Variants in FAM135B observed in about 807,000 individuals in gnomAD.
The protein encoded by FAM135B is protein FAM135B.
In FAM135B, 43 loss-of-function variants were observed where a neutral mutation model predicts 127.7. That is an observed-to-expected ratio of 0.34 (90% CI 0.26 to 0.43). The LOEUF is 0.43. Among genes scored for constraint, FAM135B ranks in the 20% least tolerant of loss-of-function variants. The pLI is 1.00. For synonymous variants in FAM135B, 670 were observed against 665.1 expected, an observed-to-expected ratio of 1.01 and a Z score of -0.11; for missense variants, 1,558 against 1,725.6, an observed-to-expected ratio of 0.90 and a Z score of 1.72.
intron 12 of FAM135B, among the ~76,000 whole-genome samples, chr8:138,161,855 A>G (rs1586648906): frequency 6.6e-6 from 1 of 152,210 alleles, no homozygotes; most frequent in South Asian, 2.1e-4. Flanking sequence ...TCCTATTGCC[A>G]TACTATGATC....
At chr8:138,271,830 G>C (rs1305711885) in intron 3 of FAM135B, among the ~76,000 whole-genome samples, 1 of 152,062 alleles carries the variant, frequency 6.6e-6, no homozygotes, top group Non-Finnish European at 1.5e-5. Context: ...CTCAATTAAA[G>C]CTAGCCTGAG....
At chr8:138,355,444 T>C (rs1230668384) in intron 2 of FAM135B, among the ~76,000 whole-genome samples, 1 of 144,990 alleles carries the variant, frequency 6.9e-6, no homozygotes, top group Non-Finnish European at 1.5e-5. Context: ...CTGGAAACCA[T>C]TATTCTCAGC....
intron 6 of FAM135B, among the ~76,000 whole-genome samples, chr8:138,246,322 C>CT (rs1821282649): frequency 6.6e-6 from 1 of 152,168 alleles, no homozygotes; most frequent in African/African-American, 2.4e-5. Context: ...CCATCACAGG[C>CT]CCAGAGGCCC....
rs149581219 is a variant in FAM135B, at chr8:138,285,912, C to T, written c.158-20070G>A. 4.1e-3 allele frequency among the ~76,000 whole-genome samples: 629 copies of T among 152,262 alleles called. 7 individuals are homozygous for T. The highest frequency in any genetic ancestry group is 0.014 in the Middle Eastern group (4 of 294). On this transcript the variant is annotated intron_variant, in intron 3 of 19. Transcript: ENST00000395297. Reference sequence around the variant, plus strand: ...TCATTCATCTGCTTATCTTTGAATCCGCCTATCTGTCCATTGGCTCAAAAC... The same window carrying T: ...TCATTCATCTGCTTATCTTTGAATCTGCCTATCTGTCCATTGGCTCAAAAC...
At chr8:138,333,356 T>C (rs745902309) in intron 2 of FAM135B, among the ~76,000 whole-genome samples, 1 of 152,210 alleles carries the variant, frequency 6.6e-6, no homozygotes, top group Non-Finnish European at 1.5e-5. Flanking sequence ...TCCTACTCCC[T>C]AGGCATCTGC....
intron 1 of FAM135B, among the ~76,000 whole-genome samples, chr8:138,455,581 C>T (rs1370570262): frequency 2.6e-5 from 4 of 152,142 alleles, no homozygotes; most frequent in East Asian, 1.9e-4. Context: ...TAATAACCCC[C>T]ATTTTATGGA....
At chr8:138,253,436 G>C (rs1380032792) in intron 5 of FAM135B, among the ~76,000 whole-genome samples, 1 of 152,038 alleles carries the variant, frequency 6.6e-6, no homozygotes, top group African/African-American at 2.4e-5. Flanking sequence ...CTGCTGATTT[G>C]TGCACTCTAC....
chr8:138,384,862 C>A (rs1212677806), intron 1 of FAM135B, among the ~76,000 whole-genome samples: 1 of 152,126 alleles, frequency 6.6e-6, no homozygotes, highest in Non-Finnish European at 1.5e-5. Flanking sequence ...TCCCCTCCCT[C>A]CACAATCCCT....
Position 138,148,598 on chromosome 8 carries a change from G to T in FAM135B, c.3370C>A (p.Pro1124Thr), listed in dbSNP as rs2130691376. 1 of 1,612,476 alleles carries T rather than the reference G, an allele frequency of 6.2e-7. No individual in the cohort carries two copies. The highest frequency in any genetic ancestry group is 1.7e-5 in the Admixed American group (1 of 60,004). The change falls in exon 14 of 20, where the codon CCA becomes ACA. Residue 1124 changes from proline (P) to threonine (T), a missense_variant. By Grantham distance (38) the Pro-to-Thr change is conservative (BLOSUM62 -1). Transcript: ENST00000395297. ...SDLTVLASDIPYFPPEEEEEN... is the reference protein window; with the variant it reads ...SDLTVLASDITYFPPEEEEEN... ...TCCTCTTCCTCTGGTGGGAAATATG[G>T]TATATCAGAAGCTAGTACAGTTAAG...
intron 18 of FAM135B, among the ~76,000 whole-genome samples, chr8:138,137,985 G>A (rs1816805777): frequency 6.6e-6 from 1 of 152,200 alleles, no homozygotes; most frequent in Non-Finnish European, 1.5e-5. Context: ...CTACTGAAGT[G>A]TGGGTCCCCT....
chr8:138,233,574 C>T (rs1366911192), intron 7 of FAM135B, among the ~76,000 whole-genome samples: 1 of 152,120 alleles, frequency 6.6e-6, no homozygotes, highest in Non-Finnish European at 1.5e-5. Context: ...TAGAAGAAAA[C>T]ATAAGGGGAA....
chr8:138,270,891 C>T (rs189368733), intron 3 of FAM135B, among the ~76,000 whole-genome samples: 1 of 152,300 alleles, frequency 6.6e-6, no homozygotes, highest in East Asian at 1.9e-4. Flanking sequence ...AGGGTGGAGG[C>T]CCTAGTGGCC....
chr8:138,185,593 C>T (rs796938954), intron 9 of FAM135B, among the ~76,000 whole-genome samples: 5 of 152,338 alleles, frequency 3.3e-5, no homozygotes, highest in African/African-American at 1.2e-4. Context: ...TCAGAAGCTG[C>T]TCACTGATGC....
Position 138,167,932 on chromosome 8 carries a change from C to A in FAM135B, c.1221G>T (p.Val407=). ...DIDGDWNTLP[V]IFEDRYVDCP... is the part of the protein sequence containing the mutation. ...AGTCCACGTATCTGTCCTCAAAGAT[C>A]ACCGGCAGGGTGTTCCAATCGCCGT... The change falls in exon 12 of 20, where the codon GTG becomes GTT. Residue 407 remains valine (V), a synonymous_variant. Transcript: ENST00000395297. 1 of 1,613,562 alleles carries A rather than the reference C, an allele frequency of 6.2e-7. No homozygotes were observed.
At chr8:138,153,419 G>C (rs1042375102) in intron 12 of FAM135B, among the ~76,000 whole-genome samples, 2 of 152,102 alleles carry the variant, frequency 1.3e-5, no homozygotes, top group Non-Finnish European at 2.9e-5. Flanking sequence ...TGAGGTACCG[G>C]GTCCATCTCA....
chr8:138,495,590 C>T (rs1367266228), intron 1 of FAM135B, among the ~76,000 whole-genome samples: 2 of 152,174 alleles, frequency 1.3e-5, no homozygotes, highest in Non-Finnish European at 2.9e-5. Flanking sequence ...GCTGCCTATC[C>T]TGGATATTAT....
chr8:138,454,595 T>C (rs1836673230), intron 1 of FAM135B, among the ~76,000 whole-genome samples: 1 of 151,266 alleles, frequency 6.6e-6, no homozygotes, highest in Non-Finnish European at 1.5e-5. Flanking sequence ...GAAGCCTCAC[T>C]CTGCACCCTT....
intron 1 of FAM135B, among the ~76,000 whole-genome samples, chr8:138,386,077 G>A (rs145342446): frequency 2.3e-3 from 353 of 151,796 alleles, no homozygotes; most frequent in African/African-American, 8.1e-3. Flanking sequence ...GTAGCTGGGC[G>A]TGGTGGTGCG....
chr8:138,206,848 C>T (rs1354574554), intron 7 of FAM135B, among the ~76,000 whole-genome samples: 1 of 151,312 alleles, frequency 6.6e-6, no homozygotes, highest in African/African-American at 2.4e-5. Context: ...CACCTACACA[C>T]AGCTCTATCA....
Sources: gnomAD v4.1 joint callset for allele counts (sites outside exome capture counted in the v4.1 genomes callset) on GRCh38, gnomAD v4.1.1 for gene constraint, MANE v1.5 for transcripts, NCBI Gene and HGNC (gene_info 2026-07-23, HGNC 2026-07-21) for gene names.